COG7: variants seen among roughly 807,000 people sequenced by gnomAD.
The protein encoded by COG7 is component of oligomeric golgi complex 7, also known as conserved oligomeric Golgi complex subunit 7.
Under a neutral mutation model 91.5 loss-of-function variants are expected in COG7, and 49 were observed. The ratio of observed to expected loss-of-function variants is 0.54; its 90% CI spans 0.43 to 0.68. The LOEUF is 0.68. Ranked by LOEUF, COG7 falls within the 30% of genes least tolerant of loss-of-function variation. The probability of loss-of-function intolerance (pLI) is 0.00; values close to 1 mark genes in which losing one functional copy is unlikely to be tolerated. For missense variants in COG7, 895 were observed against 961.3 expected (o/e 0.93, Z 0.91); for synonymous variants, 365 against 388.7 (o/e 0.94, Z 0.72).
At chr16:23,406,872 C>T (rs1049934133) in intron 11 of COG7, among the ~76,000 whole-genome samples, 1 of 152,190 alleles carries the variant, frequency 6.6e-6, no homozygotes, top group African/African-American at 2.4e-5. Context: ...GAAAGACAAA[C>T]GCCTAGAGGA....
chr16:23,411,771 G>C (rs559232176), intron 10 of COG7, among the ~76,000 whole-genome samples: 28 of 152,330 alleles, frequency 1.8e-4, no homozygotes, highest in African/African-American at 6.5e-4. Context: ...TCACGGGCAA[G>C]GGTCAGGTAA....
chr16:23,450,648 T>C (rs1964251398), intron 1 of COG7, among the ~76,000 whole-genome samples: 1 of 151,672 alleles, frequency 6.6e-6, no homozygotes, highest in South Asian at 2.1e-4. Context: ...GACAACATAG[T>C]GAGACCCCAT....
chr16:23,453,070 G>A lies in COG7; in HGVS notation c.-76C>T, dbSNP rs1835665370. 2.5e-6 allele frequency: 4 copies of A among 1,597,100 alleles called. No homozygotes were observed. The Admixed American group carries it at 6.9e-5, about 27-fold the overall frequency. On this transcript the variant is annotated 5_prime_UTR_variant, in exon 1 of 17. Transcript: ENST00000307149. ...CGGCAACGGGGATGCAGAAGCGAGC[G>A]AGCCTGCGAGAGCACCGAGGCTAGC...
chr16:23,450,097 C>T lies in COG7; in HGVS notation c.169+2729G>A, dbSNP rs538471244. Among the ~76,000 whole-genome samples the T allele has an allele frequency of 9.2e-5, 14 of 152,054 alleles. 1 individual carries two copies. The highest frequency in any genetic ancestry group is 3.1e-4 in the African/African-American group (13 of 41,494). ...CTACAGCGCATGTCACCACACCCACCTCTAATTTTGTATTTTTAGTAGAGA... is the reference window on the plus strand; with the variant it reads ...CTACAGCGCATGTCACCACACCCACTTCTAATTTTGTATTTTTAGTAGAGA... On this transcript the variant is annotated intron_variant, in intron 1 of 16. Coordinates refer to ENST00000307149, the MANE Select transcript of COG7 (RefSeq NM_153603.4).
At chr16:23,393,444 A>G in intron 14 of COG7, 97 bp from the exon 15 acceptor site, 1 of 884,336 alleles carries the variant, frequency 1.1e-6, no homozygotes, top group Non-Finnish European at 1.9e-6. Context: ...GAGAGACAAA[A>G]TTGCTAGACC....
intron 1 of COG7, 34 bp downstream of exon 1, chr16:23,452,792 G>T (rs775486043): frequency 6.3e-7 from 1 of 1,593,608 alleles, no homozygotes; most frequent in South Asian, 1.1e-5. Context: ...GAGAGCAGGG[G>T]AGGGTCCCGC....
At chr16:23,437,923 AAAAATAC>A (rs1382582945) in intron 4 of COG7, among the ~76,000 whole-genome samples, 5 of 152,068 alleles carry the variant, frequency 3.3e-5, no homozygotes, top group Non-Finnish European at 5.9e-5. Flanking sequence ...CATCTCTACT[AAAAATAC>A]AAAAATTAGC....
chr16:23,442,087 A>G (rs1964110079), intron 4 of COG7, among the ~76,000 whole-genome samples: 1 of 152,160 alleles, frequency 6.6e-6, no homozygotes, highest in Non-Finnish European at 1.5e-5. Context: ...TAATCCCAGC[A>G]CTTTGGGAGG....
intron 13 of COG7, among the ~76,000 whole-genome samples, chr16:23,398,419 T>C (rs1033739786): frequency 1.3e-5 from 2 of 152,224 alleles, no homozygotes; most frequent in African/African-American, 4.8e-5. Context: ...ATCCCTTTCA[T>C]TTATCTCGCT....
intron 9 of COG7, chr16:23,414,117 G>A (rs1005854677): frequency 6.1e-6 from 1 of 163,038 alleles, no homozygotes; most frequent in African/African-American, 2.4e-5. Context: ...AAAGCCAGGA[G>A]ATCCTCCCTC....
Position 23,446,390 on chromosome 16 carries a change from C to T in COG7, c.170-429G>A, listed in dbSNP as rs1468640199. ...TTAAAGTAACTTGCCCAAGATCTTA[C>T]AGAGCTAAAAGTAAGCCTCAGATAG... On this transcript the variant is annotated intron_variant, in intron 1 of 16. Coordinates refer to ENST00000307149, the MANE Select transcript of COG7 (RefSeq NM_153603.4). 3 of 240,898 alleles carry T rather than the reference C, an allele frequency of 1.2e-5. 1 individual carries two copies. The highest frequency in any genetic ancestry group is 1.1e-4 in the South Asian group (2 of 17,958). The allele number at this position is 240,898 out of a possible 1,614,324, so 14.9% of individuals were successfully genotyped here.
At chr16:23,447,805 C>T (rs1005423629) in intron 1 of COG7, among the ~76,000 whole-genome samples, 1 of 151,790 alleles carries the variant, frequency 6.6e-6, no homozygotes, top group Admixed American at 6.6e-5. Context: ...GAGGCTGAGG[C>T]AGGAGAATCA....
chr16:23,443,221 T>C (rs1458360473), intron 3 of COG7, among the ~76,000 whole-genome samples: 4 of 152,158 alleles, frequency 2.6e-5, no homozygotes, highest in Non-Finnish European at 4.4e-5. Context: ...TGGAAGGCAA[T>C]TTAGCAATAT....
chr16:23,443,720 T>G (rs1964138032), intron 3 of COG7, among the ~76,000 whole-genome samples: 1 of 151,758 alleles, frequency 6.6e-6, no homozygotes, highest in African/African-American at 2.4e-5. Flanking sequence ...AGATAGATTG[T>G]TGAGTGAAAA....
At chr16:23,437,762 T>C (rs1964033798) in intron 4 of COG7, among the ~76,000 whole-genome samples, 1 of 152,142 alleles carries the variant, frequency 6.6e-6, no homozygotes, top group Non-Finnish European at 1.5e-5. Context: ...CCACGGTACC[T>C]ATGCACTCAA....
chr16:23,437,423 T>A (rs1964029033), intron 4 of COG7, among the ~76,000 whole-genome samples: 1 of 152,034 alleles, frequency 6.6e-6, no homozygotes, highest in Non-Finnish European at 1.5e-5. Flanking sequence ...CACAAGAGAA[T>A]GTGAGGAACA....
chr16:23,390,216 T>C (rs2142056741), intron 16 of COG7: 1 of 151,526 alleles, frequency 6.6e-6, no homozygotes, highest in African/African-American at 2.4e-5. Flanking sequence ...TTTTTTTCTT[T>C]TCTGAGACAG....
chr16:23,447,778 T>C (rs1030510902), intron 1 of COG7, among the ~76,000 whole-genome samples: 1 of 151,772 alleles, frequency 6.6e-6, no homozygotes, highest in African/African-American at 2.4e-5. Context: ...TGTGTGCCTG[T>C]AGCCCCAGCT....
chr16:23,426,320 A>G (rs186986894), intron 6 of COG7, among the ~76,000 whole-genome samples: 158 of 152,350 alleles, frequency 1.0e-3, no homozygotes, highest in Non-Finnish European at 2.0e-3. Flanking sequence ...GTTCAGCAGC[A>G]TATTAAAAAA....
Sources: gnomAD v4.1 joint callset for allele counts (sites outside exome capture counted in the v4.1 genomes callset) on GRCh38, gnomAD v4.1.1 for gene constraint, MANE v1.5 for transcripts, NCBI Gene and HGNC (gene_info 2026-07-23, HGNC 2026-07-21) for gene names.